The following COL4A3 variants were observed in gnomAD, a reference collection of about 807,000 sequenced individuals.
COL4A3 encodes the protein collagen alpha-3(IV) chain.
In COL4A3, 135 loss-of-function variants were observed where a neutral mutation model predicts 217.4. That is an observed-to-expected ratio of 0.62 (90% confidence interval 0.54 to 0.72). The LOEUF is 0.72. Ranked by LOEUF, COL4A3 falls within the 30% of genes least tolerant of loss-of-function variation. The probability of loss-of-function intolerance (pLI) is 0.00; values close to 1 mark genes in which losing one functional copy is unlikely to be tolerated. For synonymous variants in COL4A3, 690 were observed against 736.3 expected (o/e 0.94, Z 1.02); for missense variants, 1,868 against 2,119.9 (o/e 0.88, Z 2.33).
At chr2:227,181,906 G>A (rs2125674568) in intron 1 of COL4A3, among the ~76,000 whole-genome samples, 1 of 152,130 alleles carries the variant, frequency 6.6e-6, no homozygotes, top group Admixed American at 6.5e-5. Flanking sequence ...AATAGACACA[G>A]TTTTAATACT....
chr2:227,294,665 G>T (rs1343218915), intron 39 of COL4A3, 95 bp downstream of exon 39: 1 of 927,430 alleles, frequency 1.1e-6, no homozygotes, highest in Non-Finnish European at 1.8e-6. Context: ...TCTATAGAAG[G>T]TAGCTCCTAG....
In COL4A3 at chr2:227,204,985, T is replaced by C. The variant is rs541110775; in HGVS notation, c.88-32983T>C. 3.8e-4 allele frequency among the ~76,000 whole-genome samples: 58 copies of C among 152,328 alleles called. 1 individual carries two copies. In the Middle Eastern group the frequency reaches 0.01, roughly 27 times the overall value. On this transcript the variant is annotated intron_variant, in intron 1 of 51. Transcript: ENST00000396578. ...TGATGGAAAACAGGATTCGTATGTC[T>C]TTTCCGTTCATCTTTTACAATGGGT...
rs1226857286 is a variant in COL4A3, at chr2:227,195,667, A to ATATATGTGTGTGTG, written c.87+30855_87+30856insATATGTGTGTGTGT. Reference sequence around the variant, plus strand: ...GAGTCTATGCCACATATATATATATATGTGTGTGTGTGTGTGTGTGTGTGT... The same window carrying ATATATGTGTGTGTG: ...GAGTCTATGCCACATATATATATATATATATGTGTGTGTGTGTGTGTGTGTGTGTGTGTGTGTGT... On this transcript the variant is annotated intron_variant, in intron 1 of 51. Transcript: ENST00000396578. Among the ~76,000 whole-genome samples, 28 of 139,892 alleles carry ATATATGTGTGTGTG rather than the reference A, an allele frequency of 2.0e-4. 1 individual carries two copies. Among genetic ancestry groups the ATATATGTGTGTGTG allele is most frequent in the African/African-American group, 6.8e-4 (25 of 36,768 alleles). 91.8% of individuals were successfully genotyped at this position (139,892 alleles called of 152,430 possible). A position where few individuals can be genotyped will look rare whatever the true frequency, so the allele number is the denominator to read the frequency against.
intron 1 of COL4A3, among the ~76,000 whole-genome samples, chr2:227,219,314 A>G (rs1559837277): frequency 6.6e-6 from 1 of 151,870 alleles, no homozygotes; most frequent in Non-Finnish European, 1.5e-5. Flanking sequence ...TGGTCCCATT[A>G]TTTCTATCCC....
At chr2:227,224,609 A>G (rs917493794) in intron 1 of COL4A3, among the ~76,000 whole-genome samples, 3 of 152,100 alleles carry the variant, frequency 2.0e-5, no homozygotes, top group Non-Finnish European at 4.4e-5. Context: ...AAAATTAGCC[A>G]GGTGAGGTGG....
chr2:227,240,200 C>A lies in COL4A3; in HGVS notation c.202C>A (p.Pro68Thr). 6.2e-7 allele frequency: 1 copy of A among 1,612,000 alleles called. No homozygotes were observed. Among genetic ancestry groups the A allele is most frequent in the Non-Finnish European group, 8.5e-7 (1 of 1,179,284 alleles). Reference sequence around the variant, plus strand: ...TCCTGGCCAGAAAGGATTCACAGGTCCTGAAGGCTTGCCTGGACCGCAGGG... The same window carrying A: ...TCCTGGCCAGAAAGGATTCACAGGTACTGAAGGCTTGCCTGGACCGCAGGG... ...GSPGQKGFTG[P>T]EGLPGPQGPK... is the part of the protein sequence containing the mutation. The change falls in exon 3 of 52, where the codon CCT becomes ACT. Residue 68 changes from proline to threonine, a missense_variant. Pro to Thr is a conservative substitution (Grantham distance 38). Coordinates refer to ENST00000396578, the MANE Select transcript of COL4A3 (RefSeq NM_000091.5).
At chr2:227,173,941 A>T (rs6715711) in intron 1 of COL4A3, among the ~76,000 whole-genome samples, 7,537 of 152,264 alleles carry the variant, frequency 0.049, 232 homozygotes, top group Admixed American at 0.087. Flanking sequence ...TGTCTATGTA[A>T]GTGGCATCCA....
In COL4A3 at chr2:227,251,117, CTTA is replaced by C. The variant is rs1344824273; in HGVS notation, c.547-20_547-18del. On this transcript the variant is annotated intron_variant, in intron 9 of 51. Coordinates refer to ENST00000396578, the MANE Select transcript of COL4A3 (RefSeq NM_000091.5). ...AGTGAGAAGTAAATTTAAACTTACT[CTTA>C]TTCTTCTCTCAATTTCAAGGGTTTG... 6.3e-7 allele frequency: 1 copy of C among 1,579,546 alleles called. No individual in the cohort carries two copies. Among genetic ancestry groups the C allele is most frequent in the South Asian group, 1.1e-5 (1 of 90,322 alleles).
At chr2:227,234,038 T>C (rs567412810) in intron 1 of COL4A3, among the ~76,000 whole-genome samples, 1 of 152,348 alleles carries the variant, frequency 6.6e-6, no homozygotes, top group East Asian at 1.9e-4. Context: ...AGTTACTGTA[T>C]CAACATTGAT....
chr2:227,195,259 G>A (rs187096807), intron 1 of COL4A3, among the ~76,000 whole-genome samples: 124 of 142,566 alleles, frequency 8.7e-4, no homozygotes, highest in African/African-American at 3.2e-3. Flanking sequence ...CCCAAATCAC[G>A]TAAAATCCCA....
intron 1 of COL4A3, among the ~76,000 whole-genome samples, chr2:227,204,737 A>G (rs888886717): frequency 1.3e-5 from 2 of 152,246 alleles, no homozygotes; most frequent in African/African-American, 4.8e-5. Context: ...TAAGCCGTTC[A>G]TGCGTAGCTT....
rs756020666 is a variant in COL4A3 at position 227,309,211 on chromosome 2, G to A, written c.4648G>A (p.Val1550Ile). ...CTTTGTTTCATGTTACAGATGCACT[G>A]TTTGTGAAGGTCCTGCGATCGCCAT... ...ALEPYISRCT[V>I]CEGPAIAIAV... Residue 1550 changes from valine to isoleucine, a missense_variant, in exon 50 of 52, where the codon GTT (valine) becomes ATT (isoleucine). By Grantham distance (29) the Val-to-Ile change is conservative (BLOSUM62 3). This residue lies in a region of COL4A3 where 1,503 missense variants were observed against 1,786.1 expected (regional missense o/e 0.84). Transcript: ENST00000396578. 4.3e-6 allele frequency: 7 copies of A among 1,614,198 alleles called. No homozygotes were observed. The highest frequency in any genetic ancestry group is 5.9e-6 in the Non-Finnish European group (7 of 1,180,008).
rs2073817299 is a variant in COL4A3 at position 227,313,728 on chromosome 2, G to C, written c.*1858G>C. 6.6e-6 allele frequency: 1 copy of C among 152,502 alleles called. No individual in the cohort carries two copies. Among genetic ancestry groups the C allele is most frequent in the African/African-American group, 2.4e-5 (1 of 41,434 alleles). 9.4% of individuals were successfully genotyped at this position (152,502 alleles called of 1,614,324 possible). ...AGATGTGCAGCATTTCACTTATTTA[G>C]ATTCACTTAACAAACAAATTTTTCT... On this transcript the variant is annotated 3_prime_UTR_variant, in exon 52 of 52. Coordinates refer to ENST00000396578, the MANE Select transcript of COL4A3 (RefSeq NM_000091.5).
chr2:227,198,665 G>A (rs1559815254), intron 1 of COL4A3, among the ~76,000 whole-genome samples: 1 of 152,018 alleles, frequency 6.6e-6, no homozygotes, highest in African/African-American at 2.4e-5. Context: ...CTGACCTCAA[G>A]GAATTCCCAT....
chr2:227,165,565 T>G (rs927832158), intron 1 of COL4A3, among the ~76,000 whole-genome samples: 3 of 152,230 alleles, frequency 2.0e-5, no homozygotes, highest in Admixed American at 6.5e-5. Context: ...TTGACTCACT[T>G]GATTTTACCT....
At chr2:227,267,957 A>G (rs537185898) in intron 23 of COL4A3, among the ~76,000 whole-genome samples, 1 of 152,270 alleles carries the variant, frequency 6.6e-6, no homozygotes, top group African/African-American at 2.4e-5. Context: ...GTCTTCAGTC[A>G]CAGAACTGCC....
Position 227,253,233 on chromosome 2 carries a change from G to A in COL4A3, c.646-63G>A, listed in dbSNP as rs951880573. ...CCCTTACAAATATTGGAACTTTGATGGGTTTAGACTATTTATTCATATTTA... is the reference window on the plus strand; with the variant it reads ...CCCTTACAAATATTGGAACTTTGATAGGTTTAGACTATTTATTCATATTTA... On this transcript the variant is annotated intron_variant, in intron 11 of 51. Coordinates refer to ENST00000396578, the MANE Select transcript of COL4A3 (RefSeq NM_000091.5). This position sits in a 1 kb window ranked among gnomAD's most constrained non-coding sequence, Gnocchi z 4.4. 56 of 1,338,366 alleles carry A rather than the reference G, an allele frequency of 4.2e-5. No homozygotes were observed. The highest frequency in any genetic ancestry group is 1.9e-4 in the Admixed American group (11 of 57,862). 82.9% of individuals were successfully genotyped at this position (1,338,366 alleles called of 1,614,324 possible).
At chr2:227,237,020 A>G (rs1011854356) in intron 1 of COL4A3, among the ~76,000 whole-genome samples, 4 of 152,178 alleles carry the variant, frequency 2.6e-5, no homozygotes, top group Non-Finnish European at 5.9e-5. Context: ...CTGCTGGCAG[A>G]GAAAAGTTTT....
intron 1 of COL4A3, among the ~76,000 whole-genome samples, chr2:227,232,090 T>G (rs2068439150): frequency 6.6e-6 from 1 of 152,188 alleles, no homozygotes; most frequent in Admixed American, 6.5e-5. Context: ...CTTATTTCAT[T>G]TAACATAGTG....
Sources: allele counts gnomAD v4.1 joint callset (sites outside exome capture counted in the v4.1 genomes callset), GRCh38; gene constraint gnomAD v4.1.1; regional missense constraint gnomAD v4.1.1; non-coding constraint Gnocchi (gnomAD v3.1); transcripts MANE v1.5; gene names NCBI Gene and HGNC (gene_info 2026-07-23, HGNC 2026-07-21).